The following ZMAT4 variants were observed in gnomAD, a reference collection of about 807,000 sequenced individuals.
The protein encoded by ZMAT4 is zinc finger matrin-type protein 4.
ZMAT4 carries 17 observed loss-of-function variants against 28.7 expected under a neutral mutation model. That is an observed-to-expected ratio of 0.59 (90% CI 0.41 to 0.89). The LOEUF (loss-of-function observed/expected upper bound fraction) is 0.89, where lower values mean the gene tolerates loss of function less well. Among genes scored for constraint, ZMAT4 ranks in the 40% least tolerant of loss-of-function variants. The pLI is 0.00. For missense variants in ZMAT4, 240 were observed against 283.8 expected, an observed-to-expected ratio of 0.85 and a Z score of 1.11; for synonymous variants, 117 against 109.2, an observed-to-expected ratio of 1.07 and a Z score of -0.44.
chr8:40,533,336 C>A (rs188995404), intron 6 of ZMAT4, among the ~76,000 whole-genome samples: 1 of 152,194 alleles, frequency 6.6e-6, no homozygotes, highest in East Asian at 1.9e-4. Flanking sequence ...CATCTTCTGC[C>A]GGGGATTTCT....
intron 6 of ZMAT4, among the ~76,000 whole-genome samples, chr8:40,559,966 C>T (rs757988582): frequency 3.3e-5 from 5 of 151,956 alleles, no homozygotes; most frequent in East Asian, 3.9e-4. Flanking sequence ...AGGCAGAAAC[C>T]GCAGAGGAGA....
intron 2 of ZMAT4, among the ~76,000 whole-genome samples, chr8:40,772,576 T>C (rs1032661073): frequency 1.3e-5 from 2 of 151,252 alleles, no homozygotes; most frequent in African/African-American, 2.4e-5. Context: ...ATTTGCATAA[T>C]GCTTCAGGCA....
chr8:40,783,749 G>A (rs189122091), intron 2 of ZMAT4, among the ~76,000 whole-genome samples: 1 of 152,102 alleles, frequency 6.6e-6, no homozygotes, highest in South Asian at 2.1e-4. Context: ...AGTGGCTCAC[G>A]CTTGTAATCC....
At chr8:40,654,211 C>T (rs117395561) in intron 5 of ZMAT4, among the ~76,000 whole-genome samples, 1,849 of 152,248 alleles carry the variant, frequency 0.012, 13 homozygotes, top group Middle Eastern at 0.068. Flanking sequence ...AGCCCAGAGA[C>T]TCCCTGCCAT....
At chr8:40,755,289 T>C (rs764530697) in intron 3 of ZMAT4, among the ~76,000 whole-genome samples, 33 of 152,110 alleles carry the variant, frequency 2.2e-4, no homozygotes, top group Non-Finnish European at 2.9e-5. Flanking sequence ...ACATCTTCTG[T>C]AAAGGGTCAC....
intron 5 of ZMAT4, among the ~76,000 whole-genome samples, chr8:40,641,650 C>T (rs1807031432): frequency 6.6e-6 from 1 of 152,140 alleles, no homozygotes; most frequent in Non-Finnish European, 1.5e-5. Context: ...CATTCATCAC[C>T]TCTGTGTTTC....
At chr8:40,843,700 G>T (rs959529290) in intron 1 of ZMAT4, among the ~76,000 whole-genome samples, 9 of 152,162 alleles carry the variant, frequency 5.9e-5, no homozygotes, top group Admixed American at 5.2e-4. Context: ...AGGATCTCAA[G>T]GAGACTCAAG....
intron 3 of ZMAT4, among the ~76,000 whole-genome samples, chr8:40,702,499 G>A (rs574374773): frequency 3.8e-4 from 58 of 152,318 alleles, no homozygotes; most frequent in Non-Finnish European, 6.0e-4. Context: ...CTCAGTCAAA[G>A]CATTTTGCAA....
chr8:40,812,073 G>C (rs910668277), intron 2 of ZMAT4, among the ~76,000 whole-genome samples: 4 of 152,340 alleles, frequency 2.6e-5, no homozygotes, highest in Non-Finnish European at 5.9e-5. Context: ...AGAGGTTGCA[G>C]TGAACTGAGA....
In ZMAT4 at chr8:40,625,981, A is replaced by G. The variant is rs958972987; in HGVS notation, c.578-44720T>C. On this transcript the variant is annotated intron_variant, in intron 5 of 6. Transcript: ENST00000297737. The stretch of plus-strand genomic sequence containing the variant: ...CAAAATCAGCCTGGTGTGGTGGCAC[A>G]TGCTTGTAATCCCAGCTACTCGGGA... 1.1e-4 allele frequency among the ~76,000 whole-genome samples: 17 copies of G among 152,144 alleles called. No individual in the cohort carries two copies. The East Asian group carries it at 3.3e-3, about 29-fold the overall frequency.
At chr8:40,552,667 T>C (rs1334091530) in intron 6 of ZMAT4, among the ~76,000 whole-genome samples, 5 of 152,070 alleles carry the variant, frequency 3.3e-5, no homozygotes, top group Non-Finnish European at 5.9e-5. Context: ...CCCAGGGAGA[T>C]GAGTGGAGAA....
intron 6 of ZMAT4, among the ~76,000 whole-genome samples, chr8:40,543,769 C>A (rs1208048312): frequency 6.6e-6 from 1 of 152,152 alleles, no homozygotes; most frequent in African/African-American, 2.4e-5. Flanking sequence ...AACTTTATAT[C>A]ATCATATGAC....
At chr8:40,541,338 C>G (rs146483808) in intron 6 of ZMAT4, among the ~76,000 whole-genome samples, 1 of 151,916 alleles carries the variant, frequency 6.6e-6, no homozygotes, top group African/African-American at 2.4e-5. Flanking sequence ...GATCATGGGA[C>G]GTGGTGGGAT....
rs1231965786 is a variant in ZMAT4, at chr8:40,650,007, T to C, written c.577+24697A>G. Among the ~76,000 whole-genome samples the C allele has an allele frequency of 4.0e-5, 6 of 151,406 alleles. 1 individual carries two copies. Among genetic ancestry groups the C allele is most frequent in the Non-Finnish European group, 8.8e-5 (6 of 67,836 alleles). On this transcript the variant is annotated intron_variant, in intron 5 of 6. Transcript: ENST00000297737. ...CAAAATTGACACCCTAACATCACAA[T>C]TAAAAGAACTAGAAAAGCAAAAGCA...
chr8:40,825,556 T>C lies in ZMAT4; in HGVS notation c.102+19A>G, dbSNP rs1393678331. On this transcript the variant is annotated intron_variant, in intron 2 of 6. Coordinates refer to ENST00000297737, the MANE Select transcript of ZMAT4 (RefSeq NM_024645.3). Reference sequence around the variant, plus strand: ...CTCCCTCCTACATTTGCAAACAGAGTGGGAAACGCTGTCCTTACCTCGTAG... The same window carrying C: ...CTCCCTCCTACATTTGCAAACAGAGCGGGAAACGCTGTCCTTACCTCGTAG... The C allele has an allele frequency of 1.9e-6, 3 of 1,548,538 alleles. No individual in the cohort carries two copies. The highest frequency in any genetic ancestry group is 2.4e-5 in the East Asian group (1 of 40,880).
intron 1 of ZMAT4, among the ~76,000 whole-genome samples, chr8:40,867,661 C>A (rs531887958): frequency 3.9e-4 from 60 of 152,276 alleles, no homozygotes; most frequent in African/African-American, 1.4e-3. Flanking sequence ...CCCTGGAAGT[C>A]TCCTTCTCAG....
chr8:40,736,939 A>G (rs1179813362), intron 3 of ZMAT4, among the ~76,000 whole-genome samples: 1 of 152,216 alleles, frequency 6.6e-6, no homozygotes, highest in African/African-American at 2.4e-5. Context: ...AAGATTGGAA[A>G]TACAGGGAAT....
intron 1 of ZMAT4, among the ~76,000 whole-genome samples, chr8:40,853,308 G>T (rs1276840640): frequency 6.6e-6 from 1 of 152,162 alleles, no homozygotes; most frequent in Non-Finnish European, 1.5e-5. Flanking sequence ...TGTAATCCCA[G>T]CACTTTGGGA....
chr8:40,712,718 G>T (rs1320549396), intron 3 of ZMAT4, among the ~76,000 whole-genome samples: 1 of 152,168 alleles, frequency 6.6e-6, no homozygotes, highest in African/African-American at 2.4e-5. Context: ...GTCTCCTAAT[G>T]TTGGGAAACC....
Sources: gnomAD v4.1 joint callset for allele counts (sites outside exome capture counted in the v4.1 genomes callset) on GRCh38, gnomAD v4.1.1 for gene constraint, MANE v1.5 for transcripts, NCBI Gene and HGNC (gene_info 2026-07-23, HGNC 2026-07-21) for gene names.